The following CCDC73 variants were observed in gnomAD, a reference collection of about 807,000 sequenced individuals.
CCDC73 encodes coiled-coil domain-containing protein 73.
In CCDC73, 95 loss-of-function variants were observed where a neutral mutation model predicts 116.5. The observed-to-expected ratio is 0.82, with a 90% CI of 0.69 to 0.97. The LOEUF (loss-of-function observed/expected upper bound fraction) is 0.97, where lower values mean the gene tolerates loss of function less well. CCDC73 is among the 50% of genes least tolerant of loss of function. The pLI is 0.00. For missense variants in CCDC73, 1,066 were observed against 1,206.8 expected (o/e 0.88, Z 1.73); for synonymous variants, 398 against 401.3 (o/e 0.99, Z 0.10).
intron 13 of CCDC73, among the ~76,000 whole-genome samples, chr11:32,640,167 G>A (rs1050942608): frequency 1.3e-5 from 2 of 152,032 alleles, no homozygotes; most frequent in African/African-American, 4.8e-5. Flanking sequence ...ATCGAACCAA[G>A]GCAGCTTTTT....
intron 9 of CCDC73, among the ~76,000 whole-genome samples, chr11:32,659,008 C>T (rs1399873372): frequency 6.6e-6 from 1 of 152,136 alleles, no homozygotes; most frequent in Admixed American, 6.5e-5. Flanking sequence ...AGAAAATGTC[C>T]TGAGACAGAT....
intron 11 of CCDC73, 128 bp downstream of exon 11, chr11:32,653,850 T>C (rs1590570731): frequency 2.9e-6 from 3 of 1,050,306 alleles, no homozygotes; most frequent in East Asian, 2.8e-5. Context: ...TTAAAAAGTA[T>C]ACACATGTAC....
intron 17 of CCDC73, 126 bp downstream of exon 17, chr11:32,611,006 T>G: frequency 1.2e-6 from 1 of 845,290 alleles, no homozygotes; most frequent in East Asian, 2.6e-5. Context: ...AATGGTGCCA[T>G]GTTGCCCTCT....
intron 3 of CCDC73, among the ~76,000 whole-genome samples, chr11:32,710,793 C>T (rs1341396249): frequency 6.6e-6 from 1 of 151,976 alleles, no homozygotes; most frequent in African/African-American, 2.4e-5. Context: ...TATTAAAGTC[C>T]CCCACTATTA....
At chr11:32,608,028 C>G (rs1176307888) in intron 17 of CCDC73, among the ~76,000 whole-genome samples, 1 of 152,042 alleles carries the variant, frequency 6.6e-6, no homozygotes, top group East Asian at 1.9e-4. Context: ...GACCGGCCCC[C>G]CCCACGATTC....
intron 2 of CCDC73, among the ~76,000 whole-genome samples, chr11:32,747,505 G>C (rs563950137): frequency 6.6e-6 from 1 of 152,350 alleles, no homozygotes; most frequent in South Asian, 2.1e-4. Flanking sequence ...GCTATCTGCT[G>C]CCTTTTGTTC....
the CCDC73 span, among the ~76,000 whole-genome samples, chr11:32,812,506 A>C: frequency 6.6e-6 from 1 of 152,128 alleles, no homozygotes; most frequent in South Asian, 2.1e-4. Flanking sequence ...TCTCTACTAA[A>C]AATACAAAAA....
the CCDC73 span, among the ~76,000 whole-genome samples, chr11:32,824,882 C>A: frequency 8.5e-4 from 129 of 152,256 alleles, no homozygotes; most frequent in Non-Finnish European, 1.5e-3. Flanking sequence ...CCAGGAATTC[C>A]AGACCAGCCT....
At chr11:32,647,485 A>G (rs1410460901) in intron 12 of CCDC73, among the ~76,000 whole-genome samples, 2 of 152,190 alleles carry the variant, frequency 1.3e-5, no homozygotes, top group African/African-American at 4.8e-5. Flanking sequence ...TCTAAACCAT[A>G]TCAGAGGCTT....
chr11:32,728,700 G>C (rs1244437040), intron 2 of CCDC73, among the ~76,000 whole-genome samples: 1 of 149,350 alleles, frequency 6.7e-6, no homozygotes, highest in South Asian at 2.1e-4. Flanking sequence ...ATTCTGTTTT[G>C]TTTGTTTTGT....
intron 2 of CCDC73, among the ~76,000 whole-genome samples, chr11:32,741,168 T>C (rs1178894278): frequency 2.0e-5 from 3 of 151,990 alleles, no homozygotes; most frequent in Admixed American, 2.0e-4. Context: ...AAATGTTCTA[T>C]AAGTACCTAT....
intron 3 of CCDC73, among the ~76,000 whole-genome samples, chr11:32,705,460 G>A (rs1297622610): frequency 1.3e-5 from 2 of 152,174 alleles, no homozygotes; most frequent in African/African-American, 4.8e-5. Context: ...GCCTCACACA[G>A]AGCTGGCTGC....
At chr11:32,801,100 A>G in the CCDC73 span, among the ~76,000 whole-genome samples, 1 of 152,210 alleles carries the variant, frequency 6.6e-6, no homozygotes, top group Non-Finnish European at 1.5e-5. Flanking sequence ...TCACATTTAT[A>G]TACAACAACA....
chr11:32,800,167 T>A, the CCDC73 span, among the ~76,000 whole-genome samples: 3 of 152,188 alleles, frequency 2.0e-5, no homozygotes, highest in Admixed American at 2.0e-4. Context: ...GTCAATTAGC[T>A]ATTGAATTTT....
chr11:32,617,943 T>G (rs887903849), intron 14 of CCDC73, among the ~76,000 whole-genome samples: 1 of 152,204 alleles, frequency 6.6e-6, no homozygotes, highest in South Asian at 2.1e-4. Context: ...ATGGCTATAT[T>G]GCATGATGCT....
chr11:32,734,155 T>G (rs1042975746), intron 2 of CCDC73, among the ~76,000 whole-genome samples: 1 of 152,050 alleles, frequency 6.6e-6, no homozygotes, highest in Admixed American at 6.5e-5. Context: ...TCTACGCAAA[T>G]AAACTAGAAA....
chr11:32,606,364 C>G, intron 17 of CCDC73: 1 of 152,226 alleles, frequency 6.6e-6, no homozygotes, highest in Middle Eastern at 3.2e-3. Context: ...CCTCTTACAA[C>G]TGCTCAATTC....
intron 9 of CCDC73, among the ~76,000 whole-genome samples, chr11:32,668,661 C>A (rs1339065466): frequency 6.6e-6 from 1 of 152,150 alleles, no homozygotes; most frequent in Non-Finnish European, 1.5e-5. Flanking sequence ...AGTATAGTGA[C>A]AGTTCAATCA....
chr11:32,706,477 G>T (rs1849857096), intron 3 of CCDC73, among the ~76,000 whole-genome samples: 1 of 152,172 alleles, frequency 6.6e-6, no homozygotes, highest in Non-Finnish European at 1.5e-5. Context: ...TCAAGCACTA[G>T]AGGAGAGTGC....
Sources: gnomAD v4.1 joint callset for allele counts (sites outside exome capture counted in the v4.1 genomes callset) on GRCh38, gnomAD v4.1.1 for gene constraint, MANE v1.5 for transcripts, NCBI Gene and HGNC (gene_info 2026-07-23, HGNC 2026-07-21) for gene names.